The following BUB1 variants were observed in gnomAD, a reference collection of about 807,000 sequenced individuals.
The protein encoded by BUB1 is BUB1 mitotic checkpoint serine/threonine kinase, also known as mitotic checkpoint serine/threonine-protein kinase BUB1.
BUB1 carries 84 observed loss-of-function variants against 135.2 expected under a neutral mutation model. The ratio of observed to expected loss-of-function variants is 0.62; its 90% CI spans 0.52 to 0.74. The LOEUF is 0.74. Among genes scored for constraint, BUB1 ranks in the 30% least tolerant of loss-of-function variants. The pLI, the probability that BUB1 is intolerant of heterozygous loss-of-function variation, is 0.00. For missense variants in BUB1, 1,162 were observed against 1,288.3 expected, an observed-to-expected ratio of 0.90 and a Z score of 1.50; for synonymous variants, 403 against 434.4, an observed-to-expected ratio of 0.93 and a Z score of 0.90.
intron 19 of BUB1, among the ~76,000 whole-genome samples, chr2:110,646,259 C>T (rs1283752408): frequency 6.7e-6 from 1 of 150,068 alleles, no homozygotes; most frequent in African/African-American, 2.5e-5. Flanking sequence ...TTGCTTGAAT[C>T]CAGGATTTTG....
chr2:110,649,470 A>C, intron 18 of BUB1, 93 bp from the exon 19 acceptor site: 1 of 1,200,030 alleles, frequency 8.3e-7, no homozygotes, highest in Non-Finnish European at 1.1e-6. Flanking sequence ...GAGTAGAGAT[A>C]TTTACTAAGT....
In BUB1 at chr2:110,658,539, T is replaced by A. The variant is rs1689994228; in HGVS notation, c.1406-19A>T. ...ATGAAACCTTAAAGAACAAAAAGAA[T>A]AATTGTAAACAGGTTGCAAAAGAGC... is the stretch of plus-strand genomic sequence containing the variant. On this transcript the variant is annotated intron_variant, in intron 12 of 24. Transcript: ENST00000302759. The A allele has an allele frequency of 6.2e-7, 1 of 1,613,646 alleles. No individual in the cohort carries two copies. The highest frequency in any genetic ancestry group is 1.1e-5 in the South Asian group (1 of 90,984).
chr2:110,638,003 T>C lies in BUB1; in HGVS notation c.3219A>G (p.Leu1073=), dbSNP rs1355314683. 7.0e-6 allele frequency: 11 copies of C among 1,578,110 alleles called. No homozygotes were observed. The highest frequency in any genetic ancestry group is 8.6e-6 in the Non-Finnish European group (10 of 1,163,724). The change falls in exon 25 of 25, where the codon CTA becomes CTG. Residue 1073 remains leucine, a synonymous_variant. Coordinates refer to ENST00000302759, the MANE Select transcript of BUB1 (RefSeq NM_004336.5). The part of the protein sequence containing the change: ...TNKIRALRNR[L]IVLLLECKRS... ...GCTTACATTCTAAGAGCAGTACAAT[T>C]AGCCTATTACGTAGGGCCCTAATCT...
At chr2:110,641,002 A>G (rs746635746) in intron 23 of BUB1, 32 bp downstream of exon 23, 14 of 1,519,574 alleles carry the variant, frequency 9.2e-6, no homozygotes, top group African/African-American at 4.2e-5. Context: ...ACACAGAAAA[A>G]TATTTCCAAG....
chr2:110,647,697 A>G (rs897339375), intron 19 of BUB1, among the ~76,000 whole-genome samples: 8 of 152,224 alleles, frequency 5.3e-5, no homozygotes, highest in African/African-American at 1.9e-4. Flanking sequence ...GATCAGGAAC[A>G]AGGCAATGAT....
rs902256810 is a variant in BUB1 at position 110,644,987 on chromosome 2, G to A, written c.2348-2753C>T. 3.9e-5 allele frequency among the ~76,000 whole-genome samples: 6 copies of A among 152,242 alleles called. No homozygotes were observed. The East Asian group carries it at 1.2e-3, about 29-fold the overall frequency. On this transcript the variant is annotated intron_variant, in intron 19 of 24. Coordinates refer to ENST00000302759, the MANE Select transcript of BUB1 (RefSeq NM_004336.5). ...AAAGAACTCAAAATCAGAGAAGGAAGAAAGAGAATAGCAGACAAAGAAAGA... is the reference window on the plus strand; with the variant it reads ...AAAGAACTCAAAATCAGAGAAGGAAAAAAGAGAATAGCAGACAAAGAAAGA...
At chr2:110,646,495 C>T (rs190206295) in intron 19 of BUB1, among the ~76,000 whole-genome samples, 6 of 152,178 alleles carry the variant, frequency 3.9e-5, no homozygotes, top group Non-Finnish European at 7.4e-5. Flanking sequence ...AATACTTCAT[C>T]GAATAACAGC....
intron 24 of BUB1, 124 bp from the exon 25 acceptor site, chr2:110,638,283 A>T: frequency 3.3e-6 from 2 of 609,622 alleles, no homozygotes; most frequent in Non-Finnish European, 5.3e-6. Context: ...CCTAAACACA[A>T]TACAATGCAG....
intron 17 of BUB1, among the ~76,000 whole-genome samples, 175 bp from the exon 18 acceptor site, chr2:110,650,959 T>C (rs1368138575): frequency 1.3e-5 from 2 of 152,104 alleles, no homozygotes; most frequent in Non-Finnish European, 1.5e-5. Context: ...ATACAGCTAG[T>C]ACAATATGAA....
At chr2:110,656,126 T>C (rs569263652) in intron 15 of BUB1, among the ~76,000 whole-genome samples, 4 of 152,256 alleles carry the variant, frequency 2.6e-5, no homozygotes, top group African/African-American at 9.6e-5. Flanking sequence ...AGAGCCACAT[T>C]TTTGTTTTCA....
Position 110,641,133 on chromosome 2 carries a change from A to G in BUB1, c.2856T>C (p.Asp952=), listed in dbSNP as rs1469664210. The change falls in exon 23 of 25, where the codon GAT becomes GAC. Residue 952 remains aspartate, a synonymous_variant. Transcript: ENST00000302759. ...TAGTTCCTTTTGGAAAAAGTTTCAT[A>G]TCTATACTCTGACCCAGGTCAATCA... ...LALIDLGQSI[D]MKLFPKGTIF... 2.0e-5 allele frequency: 32 copies of G among 1,613,476 alleles called. No homozygotes were observed. The highest frequency in any genetic ancestry group is 2.5e-5 in the Non-Finnish European group (29 of 1,179,848).
At chr2:110,643,989 C>T (rs190748766) in intron 19 of BUB1, among the ~76,000 whole-genome samples, 5 of 133,462 alleles carry the variant, frequency 3.7e-5, no homozygotes, top group African/African-American at 1.4e-4. Context: ...CACCAATAGA[C>T]TATACATGGC....
chr2:110,667,933 T>C, intron 6 of BUB1, 84 bp from the exon 7 acceptor site: 2 of 1,325,010 alleles, frequency 1.5e-6, no homozygotes, highest in African/African-American at 3.0e-5. Context: ...AATATGAAAA[T>C]GCTTGAGGGG....
intron 19 of BUB1, among the ~76,000 whole-genome samples, chr2:110,643,886 G>A (rs1689568953): frequency 1.3e-5 from 2 of 151,702 alleles, no homozygotes; most frequent in Non-Finnish European, 1.5e-5. Context: ...AAGAAGAAAT[G>A]GGTAATACAG....
chr2:110,650,550 A>G lies in BUB1; in HGVS notation c.2199T>C (p.Ala733=). The change falls in exon 18 of 25, where the codon GCT becomes GCC. Residue 733 remains alanine, a synonymous_variant. Transcript: ENST00000302759. ...MQMSSLGTVD[A]PNFIVGNPWD... ...ACAAAGAGTGAGTGTTCGTACTTGG[A>G]GCATCAACAGTCCCAAGTGAACTCA... 6.2e-7 allele frequency: 1 copy of G among 1,612,840 alleles called. No homozygotes were observed. Among genetic ancestry groups the G allele is most frequent in the Non-Finnish European group, 8.5e-7 (1 of 1,179,224 alleles).
chr2:110,659,829 G>A (rs2104540332), intron 11 of BUB1, 149 bp downstream of exon 11: 1 of 469,784 alleles, frequency 2.1e-6, no homozygotes, highest in East Asian at 3.6e-5. Context: ...AAATGGTTCA[G>A]GGATAAATAA....
At position 110,641,820 on chromosome 2, in the gene BUB1, T is replaced by G; in HGVS notation, c.2464-17A>C. 6.3e-7 allele frequency: 1 copy of G among 1,597,656 alleles called. No homozygotes were observed. The highest frequency in any genetic ancestry group is 8.5e-7 in the Non-Finnish European group (1 of 1,178,020). ...CTTTTGGACCTGCAAATCAGGTATG[T>G]GAAATTCATATCCAATCTCGTATTC... On this transcript the variant is annotated splice_polypyrimidine_tract_variant and intron_variant, in intron 20 of 24. Transcript: ENST00000302759.
At chr2:110,659,939 A>G in intron 11 of BUB1, 39 bp downstream of exon 11, 1 of 1,561,896 alleles carries the variant, frequency 6.4e-7, no homozygotes. Flanking sequence ...GATACAGAGG[A>G]ATCTGGACAG....
At chr2:110,677,537 T>C (rs1048913682) in intron 1 of BUB1, among the ~76,000 whole-genome samples, 1 of 152,132 alleles carries the variant, frequency 6.6e-6, no homozygotes, top group African/African-American at 2.4e-5. Context: ...TTTTAAAAAA[T>C]AGCAGTGAGA....
Sources: gnomAD v4.1 joint callset for allele counts (sites outside exome capture counted in the v4.1 genomes callset) on GRCh38, gnomAD v4.1.1 for gene constraint, MANE v1.5 for transcripts, NCBI Gene and HGNC (gene_info 2026-07-23, HGNC 2026-07-21) for gene names.